The following ANXA8 variants were observed in gnomAD, a reference collection of about 807,000 sequenced individuals.
The protein encoded by ANXA8 is annexin A8.
A neutral mutation model predicts 26.8 loss-of-function variants in ANXA8; 9 were observed. The ratio of observed to expected loss-of-function variants is 0.34; its 90% CI spans 0.20 to 0.59. ANXA8 has a LOEUF of 0.59. Ranked by LOEUF, ANXA8 falls within the 20% of genes least tolerant of loss-of-function variation. The pLI is 0.84. For missense variants in ANXA8, 83 were observed against 238.5 expected (o/e 0.35, Z 4.29); for synonymous variants, 39 against 94.8 (o/e 0.41, Z 3.42).
the ANXA8 span, among the ~76,000 whole-genome samples, chr10:47,702,613 T>C: frequency 6.6e-6 from 1 of 151,614 alleles, no homozygotes; most frequent in Non-Finnish European, 1.5e-5. Flanking sequence ...AGTGCTGAGA[T>C]TGCACGTGTG....
At chr10:47,621,762 T>C in the ANXA8 span, among the ~76,000 whole-genome samples, 5 of 109,252 alleles carry the variant, frequency 4.6e-5, 1 homozygote, top group Admixed American at 9.8e-5. Flanking sequence ...CTCTAGGCTA[T>C]GCTAAAGTTC....
the ANXA8 span, among the ~76,000 whole-genome samples, chr10:47,755,253 C>A: frequency 6.6e-6 from 1 of 150,566 alleles, no homozygotes; most frequent in East Asian, 2.0e-4. Flanking sequence ...CCGCACCCAG[C>A]CAACCTCTTT....
the ANXA8 span, among the ~76,000 whole-genome samples, chr10:47,588,191 T>C: frequency 7.1e-6 from 1 of 141,832 alleles, no homozygotes; most frequent in South Asian, 2.1e-4. Flanking sequence ...CTTCCTATGA[T>C]AATTTCAAGT....
chr10:47,690,829 G>T, the ANXA8 span: 2 of 1,611,330 alleles, frequency 1.2e-6, no homozygotes, highest in East Asian at 2.2e-5. Flanking sequence ...CCACAAAAGT[G>T]CTATTAAAAG....
the ANXA8 span, chr10:47,986,092 T>C: frequency 6.6e-6 from 1 of 151,052 alleles, no homozygotes; most frequent in South Asian, 2.1e-4. Flanking sequence ...TTTTCACCTC[T>C]TTATCCTTGG....
chr10:47,699,838 AAATAAT>A, the ANXA8 span, among the ~76,000 whole-genome samples: 12 of 151,850 alleles, frequency 7.9e-5, no homozygotes, highest in Admixed American at 7.9e-4. Context: ...TCTCAAAAAA[AAATAAT>A]AATAATAGTA....
chr10:47,549,955 T>A, the ANXA8 span, among the ~76,000 whole-genome samples: 6 of 147,202 alleles, frequency 4.1e-5, no homozygotes, highest in South Asian at 4.4e-4. Context: ...AACATAAAAA[T>A]TAAAAAAAAG....
the ANXA8 span, chr10:47,757,228 TG>T: frequency 2.9e-6 from 1 of 339,642 alleles, no homozygotes; most frequent in Non-Finnish European, 4.0e-6. Flanking sequence ...TCTGTCCTCC[TG>T]GAGCCGGAGG....
chr10:47,680,371 A>T, the ANXA8 span, among the ~76,000 whole-genome samples: 3 of 151,914 alleles, frequency 2.0e-5, no homozygotes, highest in Non-Finnish European at 4.4e-5. Flanking sequence ...GTGGTGGCTC[A>T]TGCTGGTAAT....
chr10:47,549,190 A>G, the ANXA8 span: 1 of 690,056 alleles, frequency 1.4e-6, no homozygotes, highest in African/African-American at 1.8e-5. Flanking sequence ...ATCCCTGATA[A>G]TGACCATGAT....
the ANXA8 span, among the ~76,000 whole-genome samples, chr10:47,723,008 T>G: frequency 7.6e-6 from 1 of 131,170 alleles, no homozygotes; most frequent in Non-Finnish European, 1.7e-5. Context: ...AACAATAAGA[T>G]TATTTATTAA....
At chr10:47,580,958 C>T in the ANXA8 span, among the ~76,000 whole-genome samples, 8 of 149,956 alleles carry the variant, frequency 5.3e-5, no homozygotes. Flanking sequence ...CACCTGTAAC[C>T]CCAGCTACTT....
At chr10:47,706,020 C>A in the ANXA8 span, among the ~76,000 whole-genome samples, 1 of 151,842 alleles carries the variant, frequency 6.6e-6, no homozygotes, top group African/African-American at 2.4e-5. Context: ...GGAGGGGCGC[C>A]GCCGCGCGGT....
the ANXA8 span, among the ~76,000 whole-genome samples, chr10:47,702,488 G>A: frequency 0.039 from 5,961 of 150,926 alleles, 352 homozygotes; most frequent in African/African-American, 0.14. Flanking sequence ...CTACAGGTAC[G>A]TGCCACCACG....
the ANXA8 span, among the ~76,000 whole-genome samples, chr10:47,618,674 T>C: frequency 8.8e-6 from 1 of 113,952 alleles, no homozygotes; most frequent in African/African-American, 3.4e-5. Flanking sequence ...TACTTATTTA[T>C]CTACCTATTT....
the ANXA8 span, among the ~76,000 whole-genome samples, chr10:47,558,529 A>ATGTGTG: frequency 0.059 from 8,377 of 141,470 alleles, 251 homozygotes; most frequent in East Asian, 0.12. Flanking sequence ...GGGTTTTAAG[A>ATGTGTG]TGTGTGTGTG....
chr10:47,631,689 G>A, the ANXA8 span, among the ~76,000 whole-genome samples: 2 of 150,318 alleles, frequency 1.3e-5, no homozygotes, highest in African/African-American at 2.5e-5. Flanking sequence ...ATAAATAATG[G>A]TTGAATTGAT....
the ANXA8 span, among the ~76,000 whole-genome samples, chr10:47,711,308 A>G: frequency 4.7e-5 from 7 of 150,312 alleles, no homozygotes; most frequent in East Asian, 9.7e-4. Flanking sequence ...TTAAAATAGT[A>G]TAGTGTCTTC....
chr10:47,719,204 G>A, the ANXA8 span, among the ~76,000 whole-genome samples: 1 of 138,626 alleles, frequency 7.2e-6, no homozygotes, highest in Non-Finnish European at 1.6e-5. Context: ...CTTTCGCCCA[G>A]GCCGGTGTGC....
Sources: gnomAD v4.1 joint callset for allele counts (sites outside exome capture counted in the v4.1 genomes callset) on GRCh38, gnomAD v4.1.1 for gene constraint, MANE v1.5 for transcripts, NCBI Gene and HGNC (gene_info 2026-07-23, HGNC 2026-07-21) for gene names.